SAMD5: variants seen among roughly 807,000 people sequenced by gnomAD.
The protein encoded by SAMD5 is sterile alpha motif domain-containing protein 5.
A neutral mutation model predicts 11.3 loss-of-function variants in SAMD5; 13 were observed. The observed-to-expected ratio is 1.15, with a 90% CI of 0.75 to 1.83. SAMD5 has a LOEUF of 1.83. Ranked by LOEUF, SAMD5 falls within the 40% of genes most tolerant of loss-of-function variation. The probability of loss-of-function intolerance (pLI) is 0.00; values close to 1 mark genes in which losing one functional copy is unlikely to be tolerated. For missense variants in SAMD5, 255 were observed against 239.1 expected, an observed-to-expected ratio of 1.07 and a Z score of -0.44; for synonymous variants, 129 against 111.3, an observed-to-expected ratio of 1.16 and a Z score of -1.00.
chr6:147,731,237 G>T (rs1289919976), intron 1 of SAMD5, among the ~76,000 whole-genome samples: 2 of 152,306 alleles, frequency 1.3e-5, no homozygotes, highest in South Asian at 2.1e-4. Context: ...CCCATTTGAA[G>T]TCTAGGTTTA....
At position 147,642,818 on chromosome 6, in the gene SAMD5, T is replaced by C. The variant is rs141025594; in HGVS notation, c.163-94499T>C. Among the ~76,000 whole-genome samples the C allele has an allele frequency of 6.7e-4, 102 of 152,338 alleles. 1 individual carries two copies. Among genetic ancestry groups the C allele is most frequent in the African/African-American group, 2.2e-3 (93 of 41,580 alleles). On this transcript the variant is annotated intron_variant, in intron 1 of 1. Transcript: ENST00000566741. ...ATTCTGTCTAAGGCTAAGACCTACC[T>C]ACTGCCTCTATGGGAGCCCTTCTCT... is the stretch of plus-strand genomic sequence containing the variant.
intron 1 of SAMD5, among the ~76,000 whole-genome samples, chr6:147,702,598 AG>A (rs1261426306): frequency 3.9e-5 from 6 of 152,354 alleles, no homozygotes; most frequent in African/African-American, 1.4e-4. Flanking sequence ...TAGAGAATTT[AG>A]GAGTTCATGT....
In SAMD5 at chr6:147,569,907, G is replaced by A. The variant is rs1789110435; in HGVS notation, c.*5451G>A. 5.1e-6 allele frequency: 5 copies of A among 985,046 alleles called. No individual in the cohort carries two copies. The highest frequency in any genetic ancestry group is 1.7e-5 in the African/African-American group (1 of 57,304). 61.0% of individuals were successfully genotyped at this position (985,046 alleles called of 1,614,324 possible). ...TTTTTTTAAAGGACGTTATGAGAAG[G>A]CACTATGAAAAGCCTAATTGGAATA... On this transcript the variant is annotated 3_prime_UTR_variant, in exon 2 of 2. Transcript: ENST00000367474.
the SAMD5 span, among the ~76,000 whole-genome samples, chr6:147,843,725 C>G: frequency 6.6e-6 from 1 of 151,844 alleles, no homozygotes; most frequent in African/African-American, 2.4e-5. Flanking sequence ...ACAAAGGTGC[C>G]AAGAAAACAA....
rs546162656 is a variant in SAMD5, at chr6:147,565,440, C to T, written c.*984C>T. ...GTTTTTCTAATTCTTATCGTCTTATCGTTCTTGTGTTTGGATGCTGGTAGT... is the reference window on the plus strand; with the variant it reads ...GTTTTTCTAATTCTTATCGTCTTATTGTTCTTGTGTTTGGATGCTGGTAGT... On this transcript the variant is annotated 3_prime_UTR_variant, in exon 2 of 2. Transcript: ENST00000367474. 2.8e-5 allele frequency: 27 copies of T among 979,838 alleles called. No homozygotes were observed. The highest frequency in any genetic ancestry group is 3.1e-5 in the Non-Finnish European group (26 of 826,796). 60.7% of individuals were successfully genotyped at this position (979,838 alleles called of 1,614,324 possible). A position where few individuals can be genotyped will look rare whatever the true frequency, so the allele number is the denominator to read the frequency against.
intron 1 of SAMD5, chr6:147,729,827 G>A (rs762137962): frequency 4.4e-6 from 2 of 456,804 alleles, no homozygotes; most frequent in Non-Finnish European, 8.8e-6. Flanking sequence ...ACTCATGCCT[G>A]TAATCCCAGC....
chr6:147,518,007 A>G (rs1190975218), intron 1 of SAMD5, among the ~76,000 whole-genome samples: 2 of 152,142 alleles, frequency 1.3e-5, no homozygotes, highest in Non-Finnish European at 2.9e-5. Flanking sequence ...ATTCCTCCAA[A>G]ATGCTTTTCA....
the SAMD5 span, among the ~76,000 whole-genome samples, chr6:147,784,185 T>G: frequency 7.1e-6 from 1 of 141,800 alleles, no homozygotes; most frequent in Non-Finnish European, 1.5e-5. Context: ...GAGTTAACTT[T>G]CTTAAATTAA....
the SAMD5 span, among the ~76,000 whole-genome samples, chr6:147,875,349 C>G: frequency 8.5e-5 from 13 of 152,282 alleles, no homozygotes; most frequent in South Asian, 2.5e-3. Context: ...GAGCAACGAC[C>G]AAGTAGTGGT....
chr6:147,861,037 A>G, the SAMD5 span, among the ~76,000 whole-genome samples: 1 of 152,216 alleles, frequency 6.6e-6, no homozygotes, highest in African/African-American at 2.4e-5. Flanking sequence ...AGGAAAGCAG[A>G]AATTAAGTCA....
the SAMD5 span, among the ~76,000 whole-genome samples, chr6:147,897,481 AGCAGG>A: frequency 6.6e-6 from 1 of 152,172 alleles, no homozygotes; most frequent in Non-Finnish European, 1.5e-5. Flanking sequence ...TAGCCGTAAC[AGCAGG>A]GCAAGACTGG....
rs183178886 is a variant in SAMD5, at chr6:147,726,144, A to G, written c.163-11173A>G. Among the ~76,000 whole-genome samples, 4 of 152,308 alleles carry G rather than the reference A, an allele frequency of 2.6e-5. No homozygotes were observed. In the East Asian group the frequency reaches 7.7e-4, roughly 29 times the overall value. ...CTAGAAACTGCAAGAAATAAAAGAG[A>G]ATTTGGTTTCTGCTTCAATGAGGCT... On this transcript the variant is annotated intron_variant, in intron 1 of 1. Transcript: ENST00000566741.
At chr6:147,691,093 C>G (rs1221310188) in intron 1 of SAMD5, among the ~76,000 whole-genome samples, 2 of 151,838 alleles carry the variant, frequency 1.3e-5, no homozygotes, top group Non-Finnish European at 2.9e-5. Context: ...CTCCCGAGTT[C>G]AAGCCATTCT....
chr6:147,556,163 G>A (rs901445803), intron 1 of SAMD5, among the ~76,000 whole-genome samples: 1 of 151,842 alleles, frequency 6.6e-6, no homozygotes, highest in African/African-American at 2.4e-5. Context: ...TGTGATCTTG[G>A]CTCACTGAAA....
At chr6:147,522,197 T>C (rs994028760) in intron 1 of SAMD5, among the ~76,000 whole-genome samples, 18 of 152,190 alleles carry the variant, frequency 1.2e-4, no homozygotes, top group East Asian at 3.8e-4. Context: ...TCTAGTGTTA[T>C]TGCATTGGCT....
chr6:147,594,090 C>T (rs1789494513), intron 1 of SAMD5, among the ~76,000 whole-genome samples: 1 of 151,890 alleles, frequency 6.6e-6, no homozygotes, highest in Non-Finnish European at 1.5e-5. Flanking sequence ...GATCGCGCCA[C>T]TGCACTCCAG....
the SAMD5 span, among the ~76,000 whole-genome samples, chr6:147,954,358 C>A: frequency 1.3e-5 from 2 of 152,120 alleles, no homozygotes; most frequent in Non-Finnish European, 2.9e-5. Context: ...TTTTGATCAG[C>A]AATGGACCAC....
intron 1 of SAMD5, among the ~76,000 whole-genome samples, chr6:147,582,596 C>T (rs1486153220): frequency 6.6e-6 from 1 of 152,300 alleles, no homozygotes; most frequent in East Asian, 1.9e-4. Flanking sequence ...GTCTCATCTG[C>T]AGAAGGACTT....
At chr6:147,828,836 GT>G in the SAMD5 span, among the ~76,000 whole-genome samples, 14 of 152,144 alleles carry the variant, frequency 9.2e-5, no homozygotes, top group Non-Finnish European at 8.8e-5. Flanking sequence ...GGCCACTGAA[GT>G]TCAAGGGAAG....
Sources: allele counts gnomAD v4.1 joint callset (sites outside exome capture counted in the v4.1 genomes callset), GRCh38; gene constraint gnomAD v4.1.1; transcripts MANE v1.5; gene names NCBI Gene and HGNC (gene_info 2026-07-23, HGNC 2026-07-21).